The following CMYA5 variants were observed in gnomAD, a reference collection of about 807,000 sequenced individuals.
The protein encoded by CMYA5 is cardiomyopathy-associated protein 5.
CMYA5 carries 246 observed loss-of-function variants against 318.9 expected under a neutral mutation model. That is an observed-to-expected ratio of 0.77 (90% CI 0.70 to 0.86). The LOEUF (loss-of-function observed/expected upper bound fraction) is 0.86, where lower values mean the gene tolerates loss of function less well. Ranked by LOEUF, CMYA5 falls within the 40% of genes least tolerant of loss-of-function variation. The probability of loss-of-function intolerance (pLI) is 0.00; values close to 1 mark genes in which losing one functional copy is unlikely to be tolerated. For synonymous variants in CMYA5, 1,641 were observed against 1,729.5 expected, an observed-to-expected ratio of 0.95 and a Z score of 1.27; for missense variants, 4,589 against 4,678.2, an observed-to-expected ratio of 0.98 and a Z score of 0.56.
At chr5:79,790,640 G>T (rs1451657075) in intron 10 of CMYA5, among the ~76,000 whole-genome samples, 1 of 152,216 alleles carries the variant, frequency 6.6e-6, no homozygotes, top group Non-Finnish European at 1.5e-5. Context: ...GAAGTCAGGA[G>T]GGCTGCGGTG....
In CMYA5 at chr5:79,732,532, C is replaced by T. The variant is rs200915446; in HGVS notation, c.3767C>T (p.Pro1256Leu). 234 of 1,612,928 alleles carry T rather than the reference C, an allele frequency of 1.5e-4. No homozygotes were observed. The highest frequency in any genetic ancestry group is 1.8e-4 in the Admixed American group (11 of 59,842). ...MVDEPKKGVK[P>L]KLVLNVTSEL... Reference sequence around the variant, plus strand: ...GATGAGCCAAAGAAGGGTGTCAAGCCCAAATTAGTTCTAAATGTGACTTCT... The same window carrying T: ...GATGAGCCAAAGAAGGGTGTCAAGCTCAAATTAGTTCTAAATGTGACTTCT... The change falls in exon 2 of 13, where the codon CCC becomes CTC. Residue 1256 changes from proline (P) to leucine (L), a missense_variant. Pro to Leu is a moderately conservative substitution (Grantham distance 98). This residue lies in a region of CMYA5 where 2,132 missense variants were observed against 2,131.3 expected (regional missense o/e 1.00). Transcript: ENST00000446378.
chr5:79,770,176 T>C (rs1202050383), intron 9 of CMYA5, among the ~76,000 whole-genome samples: 1 of 152,168 alleles, frequency 6.6e-6, no homozygotes, highest in African/African-American at 2.4e-5. Context: ...GCATTCCAGA[T>C]TGACTTCAGA....
At chr5:79,754,175 G>A (rs565674591) in intron 6 of CMYA5, among the ~76,000 whole-genome samples, 41 of 152,098 alleles carry the variant, frequency 2.7e-4, no homozygotes, top group African/African-American at 9.7e-4. Context: ...TGGAGCCCAG[G>A]GTGTTGACTT....
In CMYA5 at chr5:79,731,470, A is replaced by G. The variant is rs767330478; in HGVS notation, c.2705A>G (p.Glu902Gly). The G allele has an allele frequency of 1.2e-6, 2 of 1,608,398 alleles. No individual in the cohort carries two copies. The highest frequency in any genetic ancestry group is 4.5e-5 in the East Asian group (2 of 44,838). The change falls in exon 2 of 13, where the codon GAA becomes GGA. Residue 902 changes from glutamate (E) to glycine (G), a missense_variant. Physicochemically the swap from Glu to Gly is moderately conservative, Grantham distance 98. Coordinates refer to ENST00000446378, the MANE Select transcript of CMYA5 (RefSeq NM_153610.5). Reference protein sequence around the residue: ...RYTPSSTSASEFSVPPYATPE... With the variant: ...RYTPSSTSASGFSVPPYATPE... ...ACACCCTCTTCTACATCTGCTTCTGAATTTTCAGTACCACCATATGCAACA... is the reference window on the plus strand; with the variant it reads ...ACACCCTCTTCTACATCTGCTTCTGGATTTTCAGTACCACCATATGCAACA...
Position 79,731,729 on chromosome 5 carries a change from A to G in CMYA5, c.2964A>G (p.Ser988=), listed in dbSNP as rs1275984765. The part of the protein sequence containing the change: ...LTSPSEHTIL[S]DEDTEEAELF... ...CACCATCTGAGCACACTATTTTGTC[A>G]GATGAAGACACTGAAGAAGCGGAAC... The change falls in exon 2 of 13, where the codon TCA becomes TCG. Residue 988 remains serine (S), a synonymous_variant. Coordinates refer to ENST00000446378, the MANE Select transcript of CMYA5 (RefSeq NM_153610.5). 3 of 1,613,952 alleles carry G rather than the reference A, an allele frequency of 1.9e-6. No homozygotes were observed. Among genetic ancestry groups the G allele is most frequent in the Non-Finnish European group, 2.5e-6 (3 of 1,179,872 alleles).
chr5:79,789,503 C>T (rs573018138), intron 10 of CMYA5, among the ~76,000 whole-genome samples: 40 of 152,084 alleles, frequency 2.6e-4, no homozygotes, highest in Non-Finnish European at 3.8e-4. Flanking sequence ...TGGCTCACTG[C>T]ACCCTCTGCC....
intron 1 of CMYA5, among the ~76,000 whole-genome samples, chr5:79,714,957 A>C (rs1827485360): frequency 6.6e-6 from 1 of 152,224 alleles, no homozygotes; most frequent in Non-Finnish European, 1.5e-5. Context: ...CATTTAAAAA[A>C]TTTGTGAAAT....
chr5:79,731,323 A>G lies in CMYA5; in HGVS notation c.2558A>G (p.Glu853Gly). The G allele has an allele frequency of 6.2e-7, 1 of 1,613,546 alleles. No individual in the cohort carries two copies. Among genetic ancestry groups the G allele is most frequent in the Non-Finnish European group, 8.5e-7 (1 of 1,179,742 alleles). Residue 853 changes from glutamate (E) to glycine (G), a missense_variant, in exon 2 of 13, where the codon GAA (glutamate) becomes GGA (glycine). Glu to Gly is a moderately conservative substitution (Grantham distance 98). This residue lies in a region of CMYA5 where 2,132 missense variants were observed against 2,131.3 expected (regional missense o/e 1.00). Coordinates refer to ENST00000446378, the MANE Select transcript of CMYA5 (RefSeq NM_153610.5). ...PSSPDLVVAS[E>G]HSFPPHTTEM... ...TCCCCAGATTTGGTTGTTGCATCTG[A>G]ACACTCTTTCCCACCACACACAACC...
intron 1 of CMYA5, among the ~76,000 whole-genome samples, chr5:79,722,904 AAAAAC>A (rs150620904): frequency 0.082 from 12,512 of 152,022 alleles, 860 homozygotes; most frequent in East Asian, 0.4. Flanking sequence ...AATAAAAACT[AAAAAC>A]AAAAAGAAAT....
Position 79,784,790 on chromosome 5 carries a change from C to T in CMYA5, c.11556-4181C>T, listed in dbSNP as rs1175582487. 8.7e-5 allele frequency among the ~76,000 whole-genome samples: 13 copies of T among 148,948 alleles called. No individual in the cohort carries two copies. In the East Asian group the frequency reaches 1.8e-3, roughly 21 times the overall value. ...CCTGCTTCGGCTCGCTCACGGTGCGCGCACACACTGGCCTGCGCCCACTGT... is the reference window on the plus strand; with the variant it reads ...CCTGCTTCGGCTCGCTCACGGTGCGTGCACACACTGGCCTGCGCCCACTGT... On this transcript the variant is annotated intron_variant, in intron 9 of 12. Coordinates refer to ENST00000446378, the MANE Select transcript of CMYA5 (RefSeq NM_153610.5).
intron 1 of CMYA5, among the ~76,000 whole-genome samples, chr5:79,690,884 C>T (rs529302736): frequency 1.3e-5 from 2 of 152,254 alleles, no homozygotes; most frequent in Admixed American, 6.5e-5. Flanking sequence ...TCTCAGAACG[C>T]CCAGCTTACC....
At chr5:79,763,662 C>T (rs577356426) in intron 9 of CMYA5, among the ~76,000 whole-genome samples, 1 of 152,210 alleles carries the variant, frequency 6.6e-6, no homozygotes, top group South Asian at 2.1e-4. Flanking sequence ...TGGAGACATA[C>T]CTGCCTCTCC....
chr5:79,696,022 A>T (rs1261032690), intron 1 of CMYA5, among the ~76,000 whole-genome samples: 1 of 152,240 alleles, frequency 6.6e-6, no homozygotes, highest in Non-Finnish European at 1.5e-5. Flanking sequence ...GAATAAATAA[A>T]TGAATAAATG....
At chr5:79,707,636 T>C (rs570813893) in intron 1 of CMYA5, among the ~76,000 whole-genome samples, 2 of 152,338 alleles carry the variant, frequency 1.3e-5, no homozygotes, top group Admixed American at 6.5e-5. Flanking sequence ...AAAAATATTT[T>C]CATTTGTCAT....
At chr5:79,719,872 A>G (rs1580757783) in intron 1 of CMYA5, among the ~76,000 whole-genome samples, 1 of 152,220 alleles carries the variant, frequency 6.6e-6, no homozygotes, top group Non-Finnish European at 1.5e-5. Flanking sequence ...AATAAAAGAC[A>G]AAATGGAACT....
chr5:79,743,360 A>G (rs1400615028), intron 2 of CMYA5, among the ~76,000 whole-genome samples: 4 of 152,144 alleles, frequency 2.6e-5, no homozygotes, highest in East Asian at 1.9e-4. Context: ...CTCAGTTGGT[A>G]TGCTAAATTT....
At chr5:79,724,306 A>G (rs1216378855) in intron 1 of CMYA5, among the ~76,000 whole-genome samples, 2 of 152,220 alleles carry the variant, frequency 1.3e-5, no homozygotes, top group African/African-American at 2.4e-5. Flanking sequence ...CTGGGCAAGA[A>G]GAGCGAAACT....
Position 79,789,091 on chromosome 5 carries a change from C to T in CMYA5, c.11676C>T (p.Leu3892=). The change falls in exon 10 of 13, where the codon CTC becomes CTT. Residue 3892 remains leucine, a synonymous_variant. Transcript: ENST00000446378. ...FGTSEQSEAA[L]ISTRGTRFLL... is the part of the protein sequence containing the mutation. ...CAAGTGAACAGAGTGAAGCTGCTCT[C>T]ATCTCCACCAGAGGTACTTTCTCCT... 1 of 1,613,836 alleles carries T rather than the reference C, an allele frequency of 6.2e-7. No homozygotes were observed.
At position 79,730,164 on chromosome 5, in the gene CMYA5, G is replaced by C; in HGVS notation, c.1399G>C (p.Glu467Gln). The change falls in exon 2 of 13, where the codon GAA becomes CAA. Residue 467 changes from glutamate to glutamine, a missense_variant. Glu to Gln is a conservative substitution (Grantham distance 29). Coordinates refer to ENST00000446378, the MANE Select transcript of CMYA5 (RefSeq NM_153610.5). ...QPDLTSIERA[E>Q]PVSAKLTPTH... ...GGACCTGACTTCAATAGAAAGGGCAGAACCAGTCTCCGCAAAACTGACCCC... is the reference window on the plus strand; with the variant it reads ...GGACCTGACTTCAATAGAAAGGGCACAACCAGTCTCCGCAAAACTGACCCC... The C allele has an allele frequency of 6.2e-7, 1 of 1,613,910 alleles. No homozygotes were observed. The highest frequency in any genetic ancestry group is 1.1e-5 in the South Asian group (1 of 91,068).
Sources: allele counts gnomAD v4.1 joint callset (sites outside exome capture counted in the v4.1 genomes callset), GRCh38; gene constraint gnomAD v4.1.1; regional missense constraint gnomAD v4.1.1; transcripts MANE v1.5; gene names NCBI Gene and HGNC (gene_info 2026-07-23, HGNC 2026-07-21).